The following KHDRBS2 variants were observed in gnomAD, a reference collection of about 807,000 sequenced individuals.
KHDRBS2 encodes the protein KH RNA binding domain containing, signal transduction associated 2.
A neutral mutation model predicts 44.3 loss-of-function variants in KHDRBS2; 26 were observed. The ratio of observed to expected loss-of-function variants is 0.59; its 90% CI spans 0.43 to 0.81. The LOEUF (loss-of-function observed/expected upper bound fraction) is 0.81, where lower values mean the gene tolerates loss of function less well. KHDRBS2 is among the 40% of genes least tolerant of loss of function. KHDRBS2 has a pLI of 0.00. For missense variants in KHDRBS2, 476 were observed against 433.1 expected (o/e 1.10, Z -0.88); for synonymous variants, 194 against 151.1 (o/e 1.28, Z -2.08).
intron 6 of KHDRBS2, among the ~76,000 whole-genome samples, chr6:61,876,692 G>A (rs1422663086): frequency 2.6e-5 from 4 of 152,002 alleles, no homozygotes; most frequent in Admixed American, 1.3e-4. Flanking sequence ...TTAAAAGGAC[G>A]GGAGGAGCTT....
the KHDRBS2 span, among the ~76,000 whole-genome samples, chr6:61,574,644 G>A: frequency 6.6e-6 from 1 of 152,164 alleles, no homozygotes; most frequent in Non-Finnish European, 1.5e-5. Flanking sequence ...GGTAGCTCAT[G>A]CCTGTAATCC....
intron 6 of KHDRBS2, among the ~76,000 whole-genome samples, chr6:61,768,564 C>T (rs1439343230): frequency 2.0e-5 from 3 of 151,856 alleles, no homozygotes; most frequent in African/African-American, 7.3e-5. Flanking sequence ...TTTCTCCTGT[C>T]TCCCTGATTG....
the KHDRBS2 span, among the ~76,000 whole-genome samples, chr6:61,634,952 C>CA: frequency 1.3e-5 from 2 of 151,750 alleles, no homozygotes; most frequent in South Asian, 2.1e-4. Flanking sequence ...AGCTAACTGC[C>CA]AAAAAAAGAA....
chr6:61,590,740 G>A, the KHDRBS2 span, among the ~76,000 whole-genome samples: 1 of 152,118 alleles, frequency 6.6e-6, no homozygotes, highest in Non-Finnish European at 1.5e-5. Context: ...AGGGGACTGA[G>A]CTAACAATAT....
chr6:61,827,553 A>T (rs1287664321), intron 6 of KHDRBS2, among the ~76,000 whole-genome samples: 1 of 152,172 alleles, frequency 6.6e-6, no homozygotes, highest in Admixed American at 6.5e-5. Context: ...GGACAATAAA[A>T]GTAACTTGGA....
intron 4 of KHDRBS2, among the ~76,000 whole-genome samples, chr6:61,964,878 T>C (rs1268400221): frequency 6.6e-6 from 1 of 152,102 alleles, no homozygotes; most frequent in Non-Finnish European, 1.5e-5. Flanking sequence ...GGATAAAAGA[T>C]ACTTTAGTCA....
At chr6:61,965,809 T>C (rs1704010397) in intron 4 of KHDRBS2, among the ~76,000 whole-genome samples, 2 of 152,014 alleles carry the variant, frequency 1.3e-5, no homozygotes, top group Admixed American at 1.3e-4. Context: ...GATATTTTGA[T>C]GAATAATGTT....
the KHDRBS2 span, among the ~76,000 whole-genome samples, chr6:61,668,146 A>G: frequency 6.6e-6 from 1 of 151,016 alleles, no homozygotes; most frequent in Non-Finnish European, 1.5e-5. Flanking sequence ...ACCAAAATAC[A>G]GAACTCTTAA....
chr6:61,673,011 A>G, the KHDRBS2 span, among the ~76,000 whole-genome samples: 3 of 151,674 alleles, frequency 2.0e-5, no homozygotes, highest in Non-Finnish European at 4.4e-5. Context: ...TCCATCTTGA[A>G]TTGATTTTTG....
chr6:62,038,675 T>C (rs1482680662), intron 3 of KHDRBS2, among the ~76,000 whole-genome samples: 2 of 152,098 alleles, frequency 1.3e-5, no homozygotes, highest in Non-Finnish European at 2.9e-5. Flanking sequence ...GGGCCCATTA[T>C]CCTCTTAATT....
chr6:62,118,385 G>C (rs1202037490), intron 2 of KHDRBS2, among the ~76,000 whole-genome samples: 2 of 152,120 alleles, frequency 1.3e-5, no homozygotes, highest in Non-Finnish European at 2.9e-5. Context: ...TGGGGTCTTT[G>C]TGTCATCATA....
intron 1 of KHDRBS2, among the ~76,000 whole-genome samples, chr6:62,228,471 A>C (rs1373926039): frequency 6.6e-5 from 10 of 152,170 alleles, no homozygotes; most frequent in Middle Eastern, 3.4e-3. Flanking sequence ...TTTTTTCAAA[A>C]AACCAGCCCC....
chr6:62,079,736 T>G (rs1414467765), intron 2 of KHDRBS2, among the ~76,000 whole-genome samples: 1 of 152,194 alleles, frequency 6.6e-6, no homozygotes, highest in Middle Eastern at 3.4e-3. Context: ...ATTAATTGTA[T>G]TCCTAATGCC....
chr6:62,071,169 C>T (rs1441568777), intron 2 of KHDRBS2, among the ~76,000 whole-genome samples: 2 of 152,028 alleles, frequency 1.3e-5, no homozygotes, highest in African/African-American at 4.8e-5. Context: ...TGTCCTTCGC[C>T]CACTTGTTGA....
At chr6:62,152,263 G>A (rs929225542) in intron 2 of KHDRBS2, among the ~76,000 whole-genome samples, 9 of 152,264 alleles carry the variant, frequency 5.9e-5, no homozygotes, top group African/African-American at 2.2e-4. Context: ...AGGTTGAGGT[G>A]AGCTGAGATC....
intron 4 of KHDRBS2, among the ~76,000 whole-genome samples, chr6:61,960,809 A>T (rs960027542): frequency 5.3e-5 from 8 of 152,160 alleles, no homozygotes; most frequent in Admixed American, 5.2e-4. Flanking sequence ...CTTAATCTTC[A>T]TGAGGTAAAG....
chr6:61,685,967 T>A (rs558835793), intron 8 of KHDRBS2, among the ~76,000 whole-genome samples: 3 of 151,840 alleles, frequency 2.0e-5, no homozygotes, highest in South Asian at 2.1e-4. Context: ...ATTATTTAAG[T>A]ATCTGGAAAG....
At chr6:62,038,316 T>G (rs978482819) in intron 3 of KHDRBS2, among the ~76,000 whole-genome samples, 7 of 126,936 alleles carry the variant, frequency 5.5e-5, no homozygotes, top group African/African-American at 1.5e-4. Context: ...ATTGAGAAGC[T>G]GCTGATTTTT....
intron 2 of KHDRBS2, among the ~76,000 whole-genome samples, chr6:62,125,372 C>T (rs1330389898): frequency 6.6e-6 from 1 of 152,192 alleles, no homozygotes; most frequent in African/African-American, 2.4e-5. Context: ...TTGCCATCCT[C>T]GGCTTAAGTG....
Sources: allele counts gnomAD v4.1 joint callset (sites outside exome capture counted in the v4.1 genomes callset), GRCh38; gene constraint gnomAD v4.1.1; transcripts MANE v1.5; gene names NCBI Gene and HGNC (gene_info 2026-07-23, HGNC 2026-07-21).